FAM13C: variants seen among roughly 807,000 people sequenced by gnomAD.
FAM13C encodes the protein protein FAM13C.
A neutral mutation model predicts 73.2 loss-of-function variants in FAM13C; 37 were observed. The observed-to-expected ratio is 0.51, with a 90% CI of 0.39 to 0.67. The LOEUF (loss-of-function observed/expected upper bound fraction) is 0.67. Ranked by LOEUF, FAM13C falls within the 30% of genes least tolerant of loss-of-function variation. FAM13C has a pLI of 0.00. For missense variants in FAM13C, 589 were observed against 715.6 expected, an observed-to-expected ratio of 0.82 and a Z score of 2.02; for synonymous variants, 246 against 260.9, an observed-to-expected ratio of 0.94 and a Z score of 0.55.
intron 3 of FAM13C, among the ~76,000 whole-genome samples, chr10:59,329,707 G>A (rs72808570): frequency 0.1 from 15,843 of 152,092 alleles, 1,149 homozygotes; most frequent in East Asian, 0.32. Context: ...TTACTGCTTT[G>A]TTGTAAGACT....
intron 11 of FAM13C, chr10:59,253,826 C>G (rs1431183130): frequency 6.6e-6 from 1 of 152,312 alleles, no homozygotes; most frequent in Non-Finnish European, 1.5e-5. Flanking sequence ...GTTCTGTATT[C>G]CCATAAATCA....
chr10:59,295,782 G>T (rs183165319), intron 5 of FAM13C, among the ~76,000 whole-genome samples: 27 of 152,154 alleles, frequency 1.8e-4, no homozygotes, highest in Non-Finnish European at 3.4e-4. Context: ...CCTAAATAAA[G>T]ATGAAGCCAA....
intron 6 of FAM13C, chr10:59,282,169 T>G (rs1415054968): frequency 6.6e-6 from 1 of 152,200 alleles, no homozygotes; most frequent in Non-Finnish European, 1.5e-5. Flanking sequence ...AATGCTATAC[T>G]AGGCTTCAGT....
intron 5 of FAM13C, among the ~76,000 whole-genome samples, chr10:59,289,445 G>T (rs569739714): frequency 1.8e-4 from 27 of 152,298 alleles, no homozygotes; most frequent in Admixed American, 1.5e-3. Flanking sequence ...AGGACAGCTT[G>T]CAGTGAATGT....
intron 3 of FAM13C, among the ~76,000 whole-genome samples, chr10:59,324,392 G>A (rs1850797767): frequency 6.6e-6 from 1 of 152,036 alleles, no homozygotes; most frequent in Admixed American, 6.6e-5. Context: ...TAAAAATGAT[G>A]TCATGGAAGA....
chr10:59,253,264 G>A (rs1175466479), intron 11 of FAM13C, among the ~76,000 whole-genome samples: 1 of 152,182 alleles, frequency 6.6e-6, no homozygotes, highest in African/African-American at 2.4e-5. Flanking sequence ...GCCAATGAAG[G>A]CACAGACCAT....
At chr10:59,333,615 G>A (rs559165777) in intron 3 of FAM13C, among the ~76,000 whole-genome samples, 9 of 152,098 alleles carry the variant, frequency 5.9e-5, no homozygotes, top group Admixed American at 2.0e-4. Flanking sequence ...CTGTTGATAC[G>A]GAATCTCTAC....
At chr10:59,308,062 C>T (rs559987834) in intron 4 of FAM13C, among the ~76,000 whole-genome samples, 2 of 152,274 alleles carry the variant, frequency 1.3e-5, no homozygotes, top group Non-Finnish European at 2.9e-5. Flanking sequence ...ACACTGAACA[C>T]TCCCTCCAAT....
intron 5 of FAM13C, chr10:59,283,823 C>A: frequency 2.1e-6 from 1 of 471,194 alleles, no homozygotes; most frequent in Admixed American, 3.2e-5. Flanking sequence ...GTGCTTGAGG[C>A]TTTACGCTTT....
intron 3 of FAM13C, among the ~76,000 whole-genome samples, chr10:59,325,635 G>A (rs1851002920): frequency 6.6e-6 from 1 of 152,038 alleles, no homozygotes; most frequent in Non-Finnish European, 1.5e-5. Context: ...GTATGACCTT[G>A]GCCAAATTAC....
chr10:59,342,277 A>T (rs991414438), intron 3 of FAM13C, among the ~76,000 whole-genome samples: 1 of 152,114 alleles, frequency 6.6e-6, no homozygotes, highest in Admixed American at 6.6e-5. Context: ...AACACTAAAA[A>T]TAAAATAAAT....
chr10:59,331,116 T>C (rs540068083), intron 3 of FAM13C, among the ~76,000 whole-genome samples: 4 of 152,292 alleles, frequency 2.6e-5, no homozygotes, highest in African/African-American at 9.6e-5. Context: ...GAGCTCACAG[T>C]CAAGTTAGCA....
At chr10:59,260,207 C>T (rs1842362353) in intron 10 of FAM13C, among the ~76,000 whole-genome samples, 1 of 152,142 alleles carries the variant, frequency 6.6e-6, no homozygotes, top group Non-Finnish European at 1.5e-5. Flanking sequence ...CCCATTCCAT[C>T]TCCCCTTTTC....
intron 3 of FAM13C, among the ~76,000 whole-genome samples, chr10:59,344,805 T>A (rs142034057): frequency 5.8e-4 from 89 of 152,224 alleles, no homozygotes; most frequent in African/African-American, 2.1e-3. Context: ...TTTTACCACA[T>A]CACTAAACTG....
At chr10:59,287,074 C>A (rs1260837240) in intron 5 of FAM13C, among the ~76,000 whole-genome samples, 1 of 141,374 alleles carries the variant, frequency 7.1e-6, no homozygotes, top group African/African-American at 2.6e-5. Context: ...TGGTGGCTCA[C>A]GCCTGTAATC....
intron 3 of FAM13C, among the ~76,000 whole-genome samples, chr10:59,340,094 T>G (rs545668873): frequency 6.6e-6 from 1 of 152,312 alleles, no homozygotes; most frequent in Non-Finnish European, 1.5e-5. Flanking sequence ...AGTTATGGCC[T>G]TGCAATCAGA....
chr10:59,247,903 T>C, intron 13 of FAM13C, 166 bp from the exon 14 acceptor site: 1 of 613,770 alleles, frequency 1.6e-6, no homozygotes, highest in South Asian at 2.3e-5. Flanking sequence ...TTCTTCCATG[T>C]GTTACTAAGT....
At chr10:59,315,027 T>C (rs1183542496) in intron 4 of FAM13C, among the ~76,000 whole-genome samples, 1 of 152,196 alleles carries the variant, frequency 6.6e-6, no homozygotes, top group Non-Finnish European at 1.5e-5. Flanking sequence ...TGTTCTCTCC[T>C]AATATTCTGC....
chr10:59,331,295 T>C (rs1250841565), intron 3 of FAM13C, among the ~76,000 whole-genome samples: 2 of 152,156 alleles, frequency 1.3e-5, no homozygotes, highest in Non-Finnish European at 1.5e-5. Context: ...ATCACTGAAG[T>C]GGCCTAAAGG....
Sources: allele counts gnomAD v4.1 joint callset (sites outside exome capture counted in the v4.1 genomes callset), GRCh38; gene constraint gnomAD v4.1.1; transcripts MANE v1.5; gene names NCBI Gene and HGNC (gene_info 2026-07-23, HGNC 2026-07-21).